PLG: variants seen among roughly 807,000 people sequenced by gnomAD.
PLG encodes the protein plasmin.
A neutral mutation model predicts 104.4 loss-of-function variants in PLG; 41 were observed. The observed-to-expected ratio is 0.39, with a 90% CI of 0.31 to 0.51. The LOEUF (loss-of-function observed/expected upper bound fraction) is 0.51, where lower values mean the gene tolerates loss of function less well. Among genes scored for constraint, PLG ranks in the 20% least tolerant of loss-of-function variants. The pLI is 0.76. For missense variants in PLG, 891 were observed against 1,003.6 expected (o/e 0.89, Z 1.52); for synonymous variants, 337 against 357.1 (o/e 0.94, Z 0.63).
chr6:160,713,429 C>G (rs1267880100), intron 5 of PLG: 1 of 356,924 alleles, frequency 2.8e-6, no homozygotes, highest in Non-Finnish European at 5.4e-6. Flanking sequence ...GCCACCATGC[C>G]TGGCTAATTT....
At chr6:160,722,380 A>T in intron 9 of PLG, 28 bp from the exon 10 acceptor site, 1 of 1,582,498 alleles carries the variant, frequency 6.3e-7, no homozygotes, top group Non-Finnish European at 8.7e-7. Flanking sequence ...GTAATTGTTA[A>T]GCTTGATTTC....
chr6:160,707,733 T>C lies in PLG; in HGVS notation c.219T>C (p.Cys73=), dbSNP rs1381481160. 3.7e-6 allele frequency: 6 copies of C among 1,611,336 alleles called. No individual in the cohort carries two copies. In the South Asian group the frequency reaches 6.6e-5, roughly 18 times the overall value. The change falls in exon 3 of 19, where the codon TGT becomes TGC. Residue 73 remains cysteine, a synonymous_variant. Transcript: ENST00000308192. ...AATATCACAGTAAAGAGCAACAATG[T>C]GTGATAATGGCTGAAAACAGGAAGT... ...AFQYHSKEQQ[C]VIMAENRKSS...
chr6:160,727,913 CA>C (rs1033447249), intron 10 of PLG, among the ~76,000 whole-genome samples: 1 of 151,726 alleles, frequency 6.6e-6, no homozygotes, highest in African/African-American at 2.4e-5. Flanking sequence ...CATTTTACTA[CA>C]TTGGTCACAA....
chr6:160,712,084 TC>T, intron 4 of PLG: 1 of 244,076 alleles, frequency 4.1e-6, no homozygotes, highest in Admixed American at 5.3e-5. Context: ...GATCAAATAT[TC>T]CCCGTGAGTT....
At position 160,740,444 on chromosome 6, in the gene PLG, C is replaced by T. The variant is rs947729263; in HGVS notation, c.2019-867C>T. Among the ~76,000 whole-genome samples, 3 of 152,190 alleles carry T rather than the reference C, an allele frequency of 2.0e-5. No individual in the cohort carries two copies. Among genetic ancestry groups the T allele is most frequent in the South Asian group, 2.1e-4 (1 of 4,818 alleles). On this transcript the variant is annotated intron_variant, in intron 16 of 18. Coordinates refer to ENST00000308192, the MANE Select transcript of PLG (RefSeq NM_000301.5). This position sits in a 1 kb window ranked among gnomAD's most constrained non-coding sequence, Gnocchi z 5.2. Reference sequence around the variant, plus strand: ...AGTTCTCTGATAGGCTGATACATTTCGAGTTTAGAGTTCCCACCCCACATC... The same window carrying T: ...AGTTCTCTGATAGGCTGATACATTTTGAGTTTAGAGTTCCCACCCCACATC...
chr6:160,720,410 C>CTT (rs3057066), intron 9 of PLG, among the ~76,000 whole-genome samples: 5,217 of 57,946 alleles, frequency 0.09, 1,287 homozygotes, highest in Non-Finnish European at 0.1. Flanking sequence ...CTTTTCTTTT[C>CTT]TTTTTTTTTT....
chr6:160,752,610 C>T lies in PLG; in HGVS notation c.2272-290C>T, dbSNP rs952338123. 8.5e-5 allele frequency among the ~76,000 whole-genome samples: 13 copies of T among 152,172 alleles called. No individual in the cohort carries two copies. Among genetic ancestry groups the T allele is most frequent in the Non-Finnish European group, 1.6e-4 (11 of 68,026 alleles). On this transcript the variant is annotated intron_variant, in intron 18 of 18. Transcript: ENST00000308192. This position sits in a 1 kb window ranked among gnomAD's most constrained non-coding sequence, Gnocchi z 4.7. ...ACAGAGACCAACTGCACACACTTTA[C>T]ACTGATGCCCAGGCTAGCCCAGTCT...
rs1778008291 is a variant in PLG, at chr6:160,732,024, T to C, written c.1587+131T>C. The C allele has an allele frequency of 1.1e-6, 1 of 948,022 alleles. No homozygotes were observed. The highest frequency in any genetic ancestry group is 1.6e-5 in the African/African-American group (1 of 62,356). 58.7% of individuals were successfully genotyped at this position (948,022 alleles called of 1,614,324 possible). A position where few individuals can be genotyped will look rare whatever the true frequency, so the allele number is the denominator to read the frequency against. ...ATGGGGGAGAGGGGACAGAAGAAAA[T>C]ATTGGAAAGGCATCAGGGGGCTAAG... On this transcript the variant is annotated intron_variant, in intron 12 of 18. Transcript: ENST00000308192. This position sits in a 1 kb window ranked among gnomAD's most constrained non-coding sequence, Gnocchi z 4.5.
In PLG at chr6:160,714,792, A is replaced by G. The variant is rs1777702716; in HGVS notation, c.548-2A>G. On this transcript the variant is annotated splice_acceptor_variant, in intron 5 of 18. Transcript: ENST00000308192. LOFTEE classifies it high-confidence loss of function. Reference sequence around the variant, plus strand: ...TCTGTCCTTCCTTCCCACTCTGTCCAGAGGAATGTATGCATTGCAGTGGAG... The same window carrying G: ...TCTGTCCTTCCTTCCCACTCTGTCCGGAGGAATGTATGCATTGCAGTGGAG... 3 of 1,613,736 alleles carry G rather than the reference A, an allele frequency of 1.9e-6. No individual in the cohort carries two copies. The highest frequency in any genetic ancestry group is 2.5e-6 in the Non-Finnish European group (3 of 1,179,682).
intron 17 of PLG, among the ~76,000 whole-genome samples, chr6:160,748,426 G>GAAAGAAAA (rs1267342448): frequency 1.4e-5 from 1 of 71,324 alleles, no homozygotes; most frequent in Non-Finnish European, 2.7e-5. Flanking sequence ...GGGAAAGAAA[G>GAAAGAAAA]AGAACGAAAG....
chr6:160,733,949 C>G, intron 12 of PLG, 46 bp from the exon 13 acceptor site: 2 of 990,382 alleles, frequency 2.0e-6, no homozygotes, highest in Non-Finnish European at 3.3e-6. Context: ...CCTTCTCCCT[C>G]TCCTGCCCCA....
At position 160,739,937 on chromosome 6, in the gene PLG, T is replaced by A. The variant is rs1428194703; in HGVS notation, c.2018+729T>A. On this transcript the variant is annotated intron_variant, in intron 16 of 18. Coordinates refer to ENST00000308192, the MANE Select transcript of PLG (RefSeq NM_000301.5). The surrounding 1 kb of genome is among the most constrained non-coding windows in gnomAD (Gnocchi z 4.4). Reference sequence around the variant, plus strand: ...TCACTAAGCCTGACAAAGTGAAACATTTGCTTATGTCACTCATTTAGTGCT... The same window carrying A: ...TCACTAAGCCTGACAAAGTGAAACAATTGCTTATGTCACTCATTTAGTGCT... Among the ~76,000 whole-genome samples, 2 of 152,204 alleles carry A rather than the reference T, an allele frequency of 1.3e-5. No individual in the cohort carries two copies. Among genetic ancestry groups the A allele is most frequent in the Non-Finnish European group, 2.9e-5 (2 of 68,036 alleles).
chr6:160,747,764 T>C (rs1405548142), intron 17 of PLG, among the ~76,000 whole-genome samples: 4 of 152,216 alleles, frequency 2.6e-5, no homozygotes, highest in Non-Finnish European at 4.4e-5. Flanking sequence ...TCTGCACTGC[T>C]GGGTCTGGGA....
At position 160,733,981 on chromosome 6, in the gene PLG, C is replaced by G. The variant is rs763799257; in HGVS notation, c.1588-14C>G. 1 of 1,510,068 alleles carries G rather than the reference C, an allele frequency of 6.6e-7. No homozygotes were observed. Among genetic ancestry groups the G allele is most frequent in the Non-Finnish European group, 9.2e-7 (1 of 1,085,620 alleles). The allele number at this position is 1,510,068 out of a possible 1,614,324, so 93.5% of individuals were successfully genotyped here. A position where few individuals can be genotyped will look rare whatever the true frequency, so the allele number is the denominator to read the frequency against. ...CCCACGTGAGCTGGAGCTTACATGC[C>G]TTCTTGTTTTCAGTACTGCCGTAAC... On this transcript the variant is annotated splice_polypyrimidine_tract_variant and intron_variant, in intron 12 of 18. Transcript: ENST00000308192.
At chr6:160,718,123 G>A (rs977364369) in intron 7 of PLG, among the ~76,000 whole-genome samples, 171 bp from the exon 8 acceptor site, 4 of 152,158 alleles carry the variant, frequency 2.6e-5, no homozygotes, top group East Asian at 3.9e-4. Flanking sequence ...GTGGTGACAC[G>A]CACCTGTAGT....
chr6:160,715,036 C>A, intron 6 of PLG, 122 bp downstream of exon 6: 1 of 944,288 alleles, frequency 1.1e-6, no homozygotes, highest in Non-Finnish European at 1.7e-6. Context: ...TTTTTAATTT[C>A]AAAGCTAACC....
Position 160,711,146 on chromosome 6 carries a change from G to C in PLG, c.362G>C (p.Gly121Ala). The C allele has an allele frequency of 6.2e-7, 1 of 1,611,980 alleles. No homozygotes were observed. Among genetic ancestry groups the C allele is most frequent in the Non-Finnish European group, 8.5e-7 (1 of 1,178,118 alleles). Residue 121 changes from glycine (G) to alanine (A), a missense_variant, in exon 4 of 19, where the codon GGC becomes GCC. Transcript: ENST00000308192. ...YRGTMSKTKN[G>A]ITCQKWSSTS... ...GGGACGATGTCCAAAACAAAAAATG[G>C]CATCACCTGTCAAAAATGGAGTTCC...
At chr6:160,750,138 C>G (rs551719002) in intron 17 of PLG, among the ~76,000 whole-genome samples, 1 of 152,306 alleles carries the variant, frequency 6.6e-6, no homozygotes, top group African/African-American at 2.4e-5. Context: ...CCTGCTCTTC[C>G]CTTCATGTTT....
In PLG at chr6:160,740,439, C is replaced by T. The variant is rs1266595627; in HGVS notation, c.2019-872C>T. 6.6e-6 allele frequency among the ~76,000 whole-genome samples: 1 copy of T among 152,118 alleles called. No individual in the cohort carries two copies. The highest frequency in any genetic ancestry group is 1.5e-5 in the Non-Finnish European group (1 of 68,020). ...GGAGGAGTTCTCTGATAGGCTGATA[C>T]ATTTCGAGTTTAGAGTTCCCACCCC... On this transcript the variant is annotated intron_variant, in intron 16 of 18. Transcript: ENST00000308192. This position sits in a 1 kb window ranked among gnomAD's most constrained non-coding sequence, Gnocchi z 5.2.
Sources: allele counts gnomAD v4.1 joint callset (sites outside exome capture counted in the v4.1 genomes callset), GRCh38; gene constraint gnomAD v4.1.1; non-coding constraint Gnocchi (gnomAD v3.1); transcripts MANE v1.5; gene names NCBI Gene and HGNC (gene_info 2026-07-23, HGNC 2026-07-21).